The following ADAMTS17 variants were observed in gnomAD, a reference collection of about 807,000 sequenced individuals.
ADAMTS17 encodes A disintegrin and metalloproteinase with thrombospondin motifs 17.
A neutral mutation model predicts 141.5 loss-of-function variants in ADAMTS17; 113 were observed. The observed-to-expected ratio is 0.80, with a 90% CI of 0.69 to 0.93. ADAMTS17 has a LOEUF of 0.93. Ranked by LOEUF, ADAMTS17 falls within the 40% of genes least tolerant of loss-of-function variation. ADAMTS17 has a pLI of 0.00. For synonymous variants in ADAMTS17, 768 were observed against 630.6 expected, an observed-to-expected ratio of 1.22 and a Z score of -3.27; for missense variants, 1,659 against 1,517.9, an observed-to-expected ratio of 1.09 and a Z score of -1.54.
At chr15:100,170,355 T>A (rs2040113795) in intron 8 of ADAMTS17, among the ~76,000 whole-genome samples, 1 of 152,180 alleles carries the variant, frequency 6.6e-6, no homozygotes, top group Non-Finnish European at 1.5e-5. Context: ...TGAACCTATG[T>A]GGAAACTGAA....
chr15:100,205,086 G>A (rs1381823288), intron 7 of ADAMTS17, among the ~76,000 whole-genome samples: 1 of 152,120 alleles, frequency 6.6e-6, no homozygotes, highest in Non-Finnish European at 1.5e-5. Flanking sequence ...TGCTCCCTAG[G>A]GTTAATGAGA....
rs375900693 is a variant in ADAMTS17 at position 100,149,823 on chromosome 15, T to C, written c.1473+2789A>G. Among the ~76,000 whole-genome samples, 28 of 152,330 alleles carry C rather than the reference T, an allele frequency of 1.8e-4. No homozygotes were observed. The East Asian group carries it at 4.1e-3, about 22-fold the overall frequency. Reference sequence around the variant, plus strand: ...AAAATTCTTTCAGTGCTAGTTCTTCTTTTCGGCACTGAGGAATAAGCATTT... The same window carrying C: ...AAAATTCTTTCAGTGCTAGTTCTTCCTTTCGGCACTGAGGAATAAGCATTT... On this transcript the variant is annotated intron_variant, in intron 10 of 21. Transcript: ENST00000268070.
intron 7 of ADAMTS17, among the ~76,000 whole-genome samples, chr15:100,216,029 G>C (rs76820335): frequency 0.011 from 1,631 of 152,278 alleles, 35 homozygotes; most frequent in African/African-American, 0.037. Context: ...AGCAGAGTCT[G>C]AGCGGGGTGA....
intron 15 of ADAMTS17, among the ~76,000 whole-genome samples, chr15:100,062,245 C>T (rs2033177555): frequency 6.6e-6 from 1 of 152,118 alleles, no homozygotes; most frequent in South Asian, 2.1e-4. Flanking sequence ...AAGGTCTTAC[C>T]CTGGCAGCAG....
chr15:100,223,299 C>T (rs2042192092), intron 7 of ADAMTS17, among the ~76,000 whole-genome samples: 1 of 152,224 alleles, frequency 6.6e-6, no homozygotes, highest in Non-Finnish European at 1.5e-5. Context: ...ACCAAAGAGT[C>T]AGTTGTTTCC....
chr15:100,065,197 G>C (rs1354625208), intron 15 of ADAMTS17, among the ~76,000 whole-genome samples: 1 of 152,044 alleles, frequency 6.6e-6, no homozygotes, highest in Non-Finnish European at 1.5e-5. Flanking sequence ...GTAATATTTT[G>C]GTGACCAGCC....
chr15:100,092,247 T>A (rs1201641577), intron 15 of ADAMTS17, among the ~76,000 whole-genome samples: 1 of 152,250 alleles, frequency 6.6e-6, no homozygotes, highest in African/African-American at 2.4e-5. Context: ...ACAGTTTTTC[T>A]GATGGTAATC....
chr15:100,256,776 G>C (rs2141975498), intron 6 of ADAMTS17: 1 of 152,794 alleles, frequency 6.5e-6, no homozygotes, highest in Non-Finnish European at 1.5e-5. Context: ...CTCGACTTCA[G>C]GGAGGAGTTC....
rs1157875866 is a variant in ADAMTS17, at chr15:100,341,069, C to G, written c.420G>C (p.Ser140=). ...RVLGHPGSLV[S]LSACGAAGGL... ...CGCCGGCGGCGCCGCAGGCGCTGAG[C>G]GAGACGAGGGAGCCGGGGTGGCCGA... Residue 140 remains serine, a synonymous_variant, in exon 2 of 22, where the codon TCG becomes TCC. Transcript: ENST00000268070. 3 of 1,522,988 alleles carry G rather than the reference C, an allele frequency of 2.0e-6. No homozygotes were observed. Among genetic ancestry groups the G allele is most frequent in the Non-Finnish European group, 2.6e-6 (3 of 1,140,456 alleles). The allele number at this position is 1,522,988 out of a possible 1,614,324, so 94.3% of individuals were successfully genotyped here. A position where few individuals can be genotyped will look rare whatever the true frequency, so the allele number is the denominator to read the frequency against.
At chr15:99,984,072 C>A (rs2141295141) in intron 20 of ADAMTS17, among the ~76,000 whole-genome samples, 1 of 152,286 alleles carries the variant, frequency 6.6e-6, no homozygotes, top group South Asian at 2.1e-4. Flanking sequence ...CCTCCCACGC[C>A]CCCTGCGACG....
In ADAMTS17 at chr15:100,132,021, T is replaced by C; in HGVS notation, c.1707A>G (p.Lys569=). 1 of 1,614,216 alleles carries C rather than the reference T, an allele frequency of 6.2e-7. No homozygotes were observed. Among genetic ancestry groups the C allele is most frequent in the African/African-American group, 1.3e-5 (1 of 75,058 alleles). Residue 569 remains lysine (K), a synonymous_variant, in exon 12 of 22, where the codon AAA becomes AAG. Coordinates refer to ENST00000268070, the MANE Select transcript of ADAMTS17 (RefSeq NM_139057.4). The part of the protein sequence containing the change: ...CGTGARFRQR[K]CDNPPPGPGG... ...AGGGGACTTACGGGGGGTTGTCACA[T>C]TTCCTCTGCCTGAAGCGGGCTCCCG...
chr15:100,051,610 T>C lies in ADAMTS17; in HGVS notation c.2417A>G (p.His806Arg), dbSNP rs745331698. The C allele has an allele frequency of 6.8e-6, 11 of 1,614,018 alleles. No homozygotes were observed. In the South Asian group the frequency reaches 1.1e-4, roughly 16 times the overall value. ...CACACTGCACCCTTCCCAGCCGCTGTGGGTCCAGATGAACAAAGAGTCCTG... is the reference window on the plus strand; with the variant it reads ...CACACTGCACCCTTCCCAGCCGCTGCGGGTCCAGATGAACAAAGAGTCCTG... ...KPQDSLFIWT[H>R]SGWEGCSVQC... is the part of the protein sequence containing the mutation. Residue 806 changes from histidine to arginine, a missense_variant, in exon 17 of 22, where the codon CAC becomes CGC. By Grantham distance (29) the His-to-Arg change is conservative. Transcript: ENST00000268070.
chr15:100,041,652 T>G (rs910385026), intron 18 of ADAMTS17, among the ~76,000 whole-genome samples: 2 of 152,240 alleles, frequency 1.3e-5, no homozygotes, highest in African/African-American at 4.8e-5. Flanking sequence ...CAGGGTCAGG[T>G]TTGTCAATGT....
At chr15:99,978,180 G>A (rs1283773525) in intron 20 of ADAMTS17, among the ~76,000 whole-genome samples, 1 of 152,210 alleles carries the variant, frequency 6.6e-6, no homozygotes, top group Non-Finnish European at 1.5e-5. Context: ...CCAGACACAG[G>A]CTGCGTGGGA....
intron 12 of ADAMTS17, among the ~76,000 whole-genome samples, chr15:100,118,076 C>T (rs1053605550): frequency 1.3e-5 from 2 of 152,140 alleles, no homozygotes; most frequent in African/African-American, 4.8e-5. Context: ...AGGGCAGAAG[C>T]CTTTGGGCTT....
chr15:100,013,677 G>A (rs2061231800), intron 18 of ADAMTS17, among the ~76,000 whole-genome samples: 1 of 152,186 alleles, frequency 6.6e-6, no homozygotes, highest in Non-Finnish European at 1.5e-5. Flanking sequence ...TTTATGTGGT[G>A]TATCACATTT....
intron 7 of ADAMTS17, among the ~76,000 whole-genome samples, chr15:100,211,057 G>A (rs932043546): frequency 2.0e-5 from 3 of 151,388 alleles, no homozygotes; most frequent in Non-Finnish European, 2.9e-5. Context: ...CCGAGATTGC[G>A]CCACTGCACT....
At chr15:100,270,940 C>T (rs189269386) in intron 4 of ADAMTS17, among the ~76,000 whole-genome samples, 34 of 151,682 alleles carry the variant, frequency 2.2e-4, no homozygotes, top group Admixed American at 6.6e-4. Context: ...ATCTGGCCAG[C>T]GCTATTCGAC....
chr15:100,053,741 G>A (rs1017576052), intron 16 of ADAMTS17, among the ~76,000 whole-genome samples, 156 bp downstream of exon 16: 4 of 152,196 alleles, frequency 2.6e-5, no homozygotes, highest in Non-Finnish European at 5.9e-5. Flanking sequence ...GACCCAGAGA[G>A]GGGAGAGGAC....
Sources: allele counts gnomAD v4.1 joint callset (sites outside exome capture counted in the v4.1 genomes callset), GRCh38; gene constraint gnomAD v4.1.1; transcripts MANE v1.5; gene names NCBI Gene and HGNC (gene_info 2026-07-23, HGNC 2026-07-21).